Variants in TMEM52B observed in about 807,000 individuals in gnomAD.
TMEM52B encodes transmembrane protein 52B.
In TMEM52B, 11 loss-of-function variants were observed where a neutral mutation model predicts 16.1. The ratio of observed to expected loss-of-function variants is 0.68; its 90% CI spans 0.43 to 1.13. The LOEUF is 1.13. TMEM52B is among the 50% of genes most tolerant of loss of function. The pLI is 0.00. For missense variants in TMEM52B, 243 were observed against 230.4 expected (o/e 1.05, Z -0.35); for synonymous variants, 101 against 93.8 (o/e 1.08, Z -0.45).
At chr12:10,170,514 G>A (rs562963921), upstream of TMEM52B, 1 of 87,040 alleles carries the variant, frequency 1.1e-5, no homozygotes, top group Non-Finnish European at 2.4e-5. Context: ...TTTTTTTTGA[G>A]GGGGAGCTTG....
chr12:10,174,051 TG>T (rs1269050597), upstream of TMEM52B, among the ~76,000 whole-genome samples: 1 of 151,300 alleles, frequency 6.6e-6, no homozygotes, highest in African/African-American at 2.4e-5. Context: ...TCATGTGTTT[TG>T]TTTGTTTGTT....
In TMEM52B at chr12:10,186,629, T is replaced by C. The variant is rs776468526; in HGVS notation, c.307+40T>C. ...CTTTTAACCTGGGAGGAGGACCCAA[T>C]TTAAGGGAATAATGAAAAGGGTGCA... On this transcript the variant is annotated intron_variant, in intron 4 of 4. Transcript: ENST00000543484. 46 of 1,504,910 alleles carry C rather than the reference T, an allele frequency of 3.1e-5. No individual in the cohort carries two copies. In the African/African-American group the frequency reaches 5.6e-4, roughly 18 times the overall value. The allele number at this position is 1,504,910 out of a possible 1,614,324, so 93.2% of individuals were successfully genotyped here. A position where few individuals can be genotyped will look rare whatever the true frequency, so the allele number is the denominator to read the frequency against.
chr12:10,172,981 A>T (rs1948735988), intron 1 of TMEM52B, among the ~76,000 whole-genome samples: 1 of 152,238 alleles, frequency 6.6e-6, no homozygotes, highest in Non-Finnish European at 1.5e-5. Context: ...TTCAAATGAC[A>T]CGCTGGTTAA....
chr12:10,187,570 A>G (rs1948895693), intron 4 of TMEM52B, among the ~76,000 whole-genome samples: 1 of 151,672 alleles, frequency 6.6e-6, no homozygotes, highest in Non-Finnish European at 1.5e-5. Flanking sequence ...ACACCAGGCT[A>G]TATTTTTTTA....
upstream of TMEM52B, among the ~76,000 whole-genome samples, chr12:10,176,058 C>T (rs1050762711): frequency 2.6e-5 from 4 of 152,250 alleles, no homozygotes; most frequent in Non-Finnish European, 4.4e-5. Flanking sequence ...GATTCACAAG[C>T]TTAATGGAAC....
chr12:10,174,424 A>G (rs1948751389), upstream of TMEM52B, among the ~76,000 whole-genome samples: 1 of 152,148 alleles, frequency 6.6e-6, no homozygotes. Context: ...TGAGATTAAC[A>G]TATTAATCAG....
rs1948958547 is a variant in TMEM52B, at chr12:10,191,530, T to C, written c.*1390T>C. On this transcript the variant is annotated 3_prime_UTR_variant, in exon 5 of 5. Transcript: ENST00000543484. ...CCCCCTGCTCCTGGCCTGAAATCTT[T>C]AAAGCCGTTTTTTCCCTAAAAAATG... 6.6e-6 allele frequency: 1 copy of C among 152,192 alleles called. No individual in the cohort carries two copies. The highest frequency in any genetic ancestry group is 1.5e-5 in the Non-Finnish European group (1 of 68,044). The allele number at this position is 152,192 out of a possible 1,614,324, so 9.4% of individuals were successfully genotyped here.
chr12:10,182,472 C>T (rs921182975), intron 1 of TMEM52B, 78 bp from the exon 2 acceptor site: 6 of 1,506,674 alleles, frequency 4.0e-6, no homozygotes, highest in African/African-American at 2.8e-5. Flanking sequence ...ACAGCACAAC[C>T]ATGAGAGATG....
At chr12:10,184,947 C>T (rs939704877) in intron 2 of TMEM52B, among the ~76,000 whole-genome samples, 3 of 152,154 alleles carry the variant, frequency 2.0e-5, no homozygotes, top group African/African-American at 2.4e-5. Flanking sequence ...CTCCTGACCT[C>T]GTGATCTGCC....
chr12:10,170,635 C>A (rs964989642), exon 1 of TMEM52B: 4 of 151,714 alleles, frequency 2.6e-5, no homozygotes, highest in Non-Finnish European at 5.9e-5. Context: ...GGGATTGCAG[C>A]CGCGCACCAC....
intron 3 of TMEM52B, among the ~76,000 whole-genome samples, chr12:10,186,117 T>G (rs1345787812): frequency 6.6e-6 from 1 of 151,668 alleles, no homozygotes; most frequent in East Asian, 1.9e-4. Context: ...ATCGTGCCAC[T>G]TCACTCCAGC....
At chr12:10,172,250 C>G in intron 1 of TMEM52B, 1 of 554,150 alleles carries the variant, frequency 1.8e-6, no homozygotes, top group South Asian at 2.4e-5. Flanking sequence ...AGTTCGCTGA[C>G]GCAAATTCTT....
rs1255536844 is a variant in TMEM52B, at chr12:10,179,065, C to T, written c.-510C>T. ...AGGGTGACTTTCACCCTGCAACAGT[C>T]ACGCTGGAGTACTCTGGTGAAGGAT... On this transcript the variant is annotated 5_prime_UTR_variant, in exon 1 of 5. Transcript: ENST00000543484. 6.4e-6 allele frequency: 1 copy of T among 155,960 alleles called. No individual in the cohort carries two copies. Among genetic ancestry groups the T allele is most frequent in the Non-Finnish European group, 1.4e-5 (1 of 70,154 alleles). The allele number at this position is 155,960 out of a possible 1,614,324, so 9.7% of individuals were successfully genotyped here. A position where few individuals can be genotyped will look rare whatever the true frequency, so the allele number is the denominator to read the frequency against.
At position 10,172,211 on chromosome 12, in the gene TMEM52B, G is replaced by A. The variant is rs193237565; in HGVS notation, c.-95+1360G>A. 42 of 627,410 alleles carry A rather than the reference G, an allele frequency of 6.7e-5. No individual in the cohort carries two copies. The African/African-American group carries it at 7.6e-4, about 11-fold the overall frequency. The allele number at this position is 627,410 out of a possible 1,614,324, so 38.9% of individuals were successfully genotyped here. A position where few individuals can be genotyped will look rare whatever the true frequency, so the allele number is the denominator to read the frequency against. On this transcript the variant is annotated intron_variant, in intron 1 of 5. Transcript: ENST00000381923. Reference sequence around the variant, plus strand: ...AAGAATGACTCAATCATTGGTAGGAGGAAGGAGAGGCTTTGCTTCATATTG... The same window carrying A: ...AAGAATGACTCAATCATTGGTAGGAAGAAGGAGAGGCTTTGCTTCATATTG...
chr12:10,173,847 G>A (rs1251951918), intron 1 of TMEM52B, among the ~76,000 whole-genome samples: 2 of 151,440 alleles, frequency 1.3e-5, no homozygotes, highest in African/African-American at 4.9e-5. Flanking sequence ...CAGTGACTCA[G>A]TTATTTTGGA....
Position 10,179,531 on chromosome 12 carries a change from C to A in TMEM52B, c.-44C>A. On this transcript the variant is annotated 5_prime_UTR_variant, in exon 1 of 5. Transcript: ENST00000543484. ...GGCACAGAGCATTGAAAGGAGGCAA[C>A]GGATGCCCAGTGCAAGATTCTGAAG... The A allele has an allele frequency of 1.2e-6, 2 of 1,602,910 alleles. No homozygotes were observed. The highest frequency in any genetic ancestry group is 1.7e-6 in the Non-Finnish European group (2 of 1,169,810).
At position 10,185,057 on chromosome 12, in the gene TMEM52B, A is replaced by G. The variant is rs74657361; in HGVS notation, c.99-273A>G. Among the ~76,000 whole-genome samples, 51 of 152,316 alleles carry G rather than the reference A, an allele frequency of 3.3e-4. 3 individuals are homozygous for G. In the East Asian group the frequency reaches 9.6e-3, roughly 29 times the overall value. ...ATAAATGTTTGCAATAGGCACAGAC[A>G]TGTTTTCTATGGACACTTCTAATGA... On this transcript the variant is annotated intron_variant, in intron 2 of 4. Transcript: ENST00000543484.
At chr12:10,187,658 C>T (rs564398781) in intron 4 of TMEM52B, among the ~76,000 whole-genome samples, 2 of 151,954 alleles carry the variant, frequency 1.3e-5, no homozygotes, top group African/African-American at 4.8e-5. Context: ...GTCTCAAACT[C>T]CTGACCTCAT....
upstream of TMEM52B, among the ~76,000 whole-genome samples, chr12:10,176,799 T>G (rs1463444853): frequency 2.6e-5 from 4 of 152,146 alleles, no homozygotes; most frequent in Non-Finnish European, 4.4e-5. Context: ...CCATTTTATA[T>G]AAAATGAAAA....
Sources: gnomAD v4.1 joint callset for allele counts (sites outside exome capture counted in the v4.1 genomes callset) on GRCh38, gnomAD v4.1.1 for gene constraint, MANE v1.5 for transcripts, NCBI Gene and HGNC (gene_info 2026-07-23, HGNC 2026-07-21) for gene names.